The following KLHL13 variants were observed in gnomAD, a reference collection of about 807,000 sequenced individuals.
KLHL13 encodes the protein kelch-like protein 13.
In KLHL13, 10 loss-of-function variants were observed where a neutral mutation model predicts 37.1. The observed-to-expected ratio is 0.27, with a 90% CI of 0.17 to 0.46. The LOEUF is 0.46. KLHL13 is among the 20% of genes least tolerant of loss of function. The pLI, the probability that KLHL13 is intolerant of heterozygous loss-of-function variation, is 1.00. For synonymous variants in KLHL13, 163 were observed against 181.2 expected (o/e 0.90, Z 0.81); for missense variants, 360 against 509.3 (o/e 0.71, Z 2.82).
chrX:117,986,373 T>C (rs949099268), intron 1 of KLHL13, among the ~76,000 whole-genome samples: 2 of 111,489 alleles, frequency 1.8e-5, no homozygotes, highest in African/African-American at 3.3e-5. Context: ...TACTGAAAAG[T>C]GGGTACATAG....
rs764121606 is a variant in KLHL13 at position 117,909,368 on chromosome X, G to A, written c.1299C>T (p.Phe433=). 3 of 1,210,529 alleles carry A rather than the reference G, an allele frequency of 2.5e-6. No homozygotes were observed. In the South Asian group the frequency reaches 5.3e-5, roughly 21 times the overall value. ...ATCCTTTGAGGGCACTTAGGTGGAA[G>A]AAGGTGCGCTTTTCATTTAAAGATG... Residue 433 remains phenylalanine, a synonymous_variant, in exon 5 of 7, where the codon TTC becomes TTT. Coordinates refer to ENST00000262820, the Ensembl canonical transcript of KLHL13.
intron 2 of KLHL13, among the ~76,000 whole-genome samples, chrX:117,937,737 T>C (rs753057915): frequency 6.2e-5 from 7 of 112,024 alleles, no homozygotes; most frequent in Admixed American, 9.5e-5. Context: ...AATAGCTTTA[T>C]TGAGATACAA....
intron 1 of KLHL13, among the ~76,000 whole-genome samples, chrX:118,044,391 A>G (rs755434954): frequency 9.3e-6 from 1 of 107,197 alleles, no homozygotes; most frequent in Admixed American, 1.0e-4. Context: ...CCAAAAATTA[A>G]TAAGAACCAC....
intron 1 of KLHL13, among the ~76,000 whole-genome samples, chrX:118,086,249 A>C (rs2055053351): frequency 9.0e-6 from 1 of 111,439 alleles, no homozygotes; most frequent in Admixed American, 9.6e-5. Flanking sequence ...TTTTTTATAT[A>C]ATGGCTTTTT....
intron 2 of KLHL13, among the ~76,000 whole-genome samples, chrX:117,921,110 T>C (rs1305701898): frequency 1.8e-5 from 2 of 111,830 alleles, no homozygotes; most frequent in Admixed American, 1.9e-4. Context: ...CCTTGTTGAT[T>C]AGCTTTTTCA....
intron 1 of KLHL13, among the ~76,000 whole-genome samples, chrX:117,967,782 A>C (rs746006679): frequency 4.5e-5 from 5 of 111,915 alleles, no homozygotes; most frequent in Non-Finnish European, 7.5e-5. Flanking sequence ...CAAAATGTTA[A>C]CTTCATTTGC....
chrX:117,938,029 T>C (rs932112928), intron 2 of KLHL13, among the ~76,000 whole-genome samples: 7 of 112,286 alleles, frequency 6.2e-5, no homozygotes, highest in Admixed American at 1.9e-4. Context: ...CTTTGGTGAT[T>C]AGCCTCTTTC....
chrX:117,916,198 A>G (rs1931351225), intron 4 of KLHL13, among the ~76,000 whole-genome samples: 1 of 111,942 alleles, frequency 8.9e-6, no homozygotes, highest in East Asian at 2.8e-4. Flanking sequence ...AACACTAGCT[A>G]ATGGGCACAG....
At chrX:117,941,414 T>A (rs1933025634) in intron 2 of KLHL13, among the ~76,000 whole-genome samples, 1 of 111,951 alleles carries the variant, frequency 8.9e-6, no homozygotes, top group Non-Finnish European at 1.9e-5. Context: ...AAGAATGGTA[T>A]CAGCTCTTCT....
At chrX:117,928,017 T>C (rs1238958004) in intron 2 of KLHL13, among the ~76,000 whole-genome samples, 1 of 112,181 alleles carries the variant, frequency 8.9e-6, no homozygotes, top group African/African-American at 3.2e-5. Flanking sequence ...TGGTAAAAGA[T>C]ATACAAAGCA....
intron 4 of KLHL13, among the ~76,000 whole-genome samples, chrX:117,910,981 C>G (rs1165635449): frequency 9.0e-6 from 1 of 111,659 alleles, no homozygotes; most frequent in African/African-American, 3.3e-5. Context: ...AGTAGAACCT[C>G]TTTTCAATGC....
At chrX:118,032,368 T>C (rs1477396846) in intron 1 of KLHL13, among the ~76,000 whole-genome samples, 1 of 111,760 alleles carries the variant, frequency 8.9e-6, no homozygotes, top group Non-Finnish European at 1.9e-5. Context: ...ACAACAGTGG[T>C]TCTCCCAGCA....
chrX:117,909,332 T>G (rs751589007), exon 5 of KLHL13: 1 of 1,197,918 alleles, frequency 8.3e-7, no homozygotes, highest in East Asian at 3.0e-5. Context: ...GCCCACCAAC[T>G]GCATACAGAT....
chrX:118,003,444 GAAGAACATAAAAATAACAAAAAGTAT>G (rs2053948279), intron 1 of KLHL13, among the ~76,000 whole-genome samples: 6 of 111,618 alleles, frequency 5.4e-5, no homozygotes, highest in Non-Finnish European at 1.1e-4. Flanking sequence ...AAAATTAAAT[GAAGAACATAAAAATAACAAAAAGTAT>G]TATGAGAAAG....
rs200972264 is a variant in KLHL13 at position 118,067,511 on chromosome X, ATTTT to A, written c.-56+48993_-56+48996del. Among the ~76,000 whole-genome samples, 4 of 111,948 alleles carry A rather than the reference ATTTT, an allele frequency of 3.6e-5. No homozygotes were observed. The East Asian group carries it at 8.3e-4, about 23-fold the overall frequency. On this transcript the variant is annotated intron_variant, in intron 1 of 6. Transcript: ENST00000371882. ...TGTAACTTTTTTTATATGCTTTTAA[ATTTT>A]TTTTAACTTTTTGCCTCTTTTGTAA...
At chrX:118,055,799 C>T (rs2054678422) in intron 1 of KLHL13, among the ~76,000 whole-genome samples, 1 of 111,401 alleles carries the variant, frequency 9.0e-6, no homozygotes, top group Non-Finnish European at 1.9e-5. Flanking sequence ...TTTTAAAAGT[C>T]TACAACACTA....
chrX:117,989,758 C>T lies in KLHL13; in HGVS notation c.-55-44183G>A, dbSNP rs564811173. Among the ~76,000 whole-genome samples the T allele has an allele frequency of 2.8e-4, 31 of 111,568 alleles. No individual in the cohort carries two copies. The South Asian group carries it at 0.011, about 41-fold the overall frequency. On this transcript the variant is annotated intron_variant, in intron 1 of 6. Coordinates refer to the KLHL13 transcript ENST00000371882. ...CTGCCCTTCTACTCTACCAAGCAAA[C>T]TTCTAGTCATGCTTAAGTGTTCAAG...
intron 1 of KLHL13, among the ~76,000 whole-genome samples, chrX:117,987,678 C>A (rs1370435263): frequency 2.7e-5 from 3 of 112,160 alleles, no homozygotes; most frequent in East Asian, 5.5e-4. Flanking sequence ...CAATAAAAAT[C>A]TTTCCATCTT....
At chrX:118,039,211 T>C (rs1472918733) in intron 1 of KLHL13, among the ~76,000 whole-genome samples, 1 of 112,185 alleles carries the variant, frequency 8.9e-6, no homozygotes, top group Non-Finnish European at 1.9e-5. Context: ...GCTTCACATG[T>C]GACCCAGAAC....
Sources: allele counts gnomAD v4.1 joint callset (sites outside exome capture counted in the v4.1 genomes callset), GRCh38; gene constraint gnomAD v4.1.1; transcripts MANE v1.5; gene names NCBI Gene and HGNC (gene_info 2026-07-23, HGNC 2026-07-21).